ABCC12: variants seen among roughly 807,000 people sequenced by gnomAD.
ABCC12 encodes ATP-binding cassette sub-family C member 12.
A neutral mutation model predicts 151.1 loss-of-function variants in ABCC12; 142 were observed. The observed-to-expected ratio is 0.94, with a 90% CI of 0.82 to 1.08. The LOEUF (loss-of-function observed/expected upper bound fraction) is 1.08, where lower values mean the gene tolerates loss of function less well. ABCC12 is among the 50% of genes least tolerant of loss of function. The pLI, the probability that ABCC12 is intolerant of heterozygous loss-of-function variation, is 0.00. For synonymous variants in ABCC12, 645 were observed against 646.4 expected (o/e 1.00, Z 0.03); for missense variants, 1,638 against 1,691.1 (o/e 0.97, Z 0.55).
At chr16:48,088,153 T>A in intron 26 of ABCC12, 68 bp from the exon 27 acceptor site, 1 of 1,529,256 alleles carries the variant, frequency 6.5e-7, no homozygotes, top group Non-Finnish European at 8.9e-7. Context: ...TCCAAGCATT[T>A]AATCAGTGGG....
rs764221547 is a variant in ABCC12, at chr16:48,115,600, T to G, written c.1804A>C (p.Asn602His). The stretch of plus-strand genomic sequence containing the variant: ...CTCTGCCTCTGCCCCCCAGAGAGGT[T>G]GAGGCCCCGCTCCCCAATCTGTGGA... ...DLTEIGERGL[N>H]LSGGQRQRIS... Residue 602 changes from asparagine (N) to histidine (H), a missense_variant, in exon 15 of 31, where the codon AAC becomes CAC. Transcript: ENST00000311303. The G allele has an allele frequency of 1.2e-6, 2 of 1,613,782 alleles. No individual in the cohort carries two copies. The highest frequency in any genetic ancestry group is 1.7e-6 in the Non-Finnish European group (2 of 1,179,838).
intron 24 of ABCC12, 98 bp from the exon 25 acceptor site, chr16:48,091,307 C>T: frequency 9.3e-7 from 1 of 1,071,492 alleles, no homozygotes; most frequent in African/African-American, 1.5e-5. Context: ...TGATCCCTCC[C>T]CTGCCTAGCG....
chr16:48,139,075 C>A (rs1426247712), intron 7 of ABCC12, 88 bp downstream of exon 7: 1 of 1,413,096 alleles, frequency 7.1e-7, no homozygotes, highest in Non-Finnish European at 9.5e-7. Context: ...AGGCTTCATG[C>A]GCCAGAAATG....
intron 25 of ABCC12, 58 bp downstream of exon 25, chr16:48,091,062 T>G: frequency 6.5e-7 from 1 of 1,533,428 alleles, no homozygotes; most frequent in Admixed American, 1.7e-5. Flanking sequence ...GATCCAGTAT[T>G]TGCCCAAGTC....
At chr16:48,129,239 T>C (rs1298250532) in intron 10 of ABCC12, among the ~76,000 whole-genome samples, 1 of 152,144 alleles carries the variant, frequency 6.6e-6, no homozygotes, top group Non-Finnish European at 1.5e-5. Context: ...GAGATTACAG[T>C]CTGGAGGGAG....
At chr16:48,110,870 G>A (rs929412324) in intron 18 of ABCC12, among the ~76,000 whole-genome samples, 5 of 152,122 alleles carry the variant, frequency 3.3e-5, no homozygotes, top group African/African-American at 4.8e-5. Context: ...CTGAGAACAC[G>A]GGCATCTCTT....
chr16:48,126,849 G>A (rs1359066500), intron 11 of ABCC12, among the ~76,000 whole-genome samples: 1 of 152,178 alleles, frequency 6.6e-6, no homozygotes, highest in East Asian at 1.9e-4. Context: ...GCATCCTTGA[G>A]GCAGGAATTC....
intron 11 of ABCC12, among the ~76,000 whole-genome samples, chr16:48,126,433 A>G (rs760343727): frequency 5.3e-5 from 8 of 152,128 alleles, no homozygotes; most frequent in Non-Finnish European, 1.2e-4. Context: ...CCCTGACCCC[A>G]TGGAGGATCC....
chr16:48,112,051 G>T (rs1963714602), intron 15 of ABCC12, 141 bp from the exon 16 acceptor site: 1 of 1,079,646 alleles, frequency 9.3e-7, no homozygotes, highest in Non-Finnish European at 1.3e-6. Context: ...TGCATTGTAG[G>T]ATATTTACCA....
chr16:48,083,834 G>A lies in ABCC12; in HGVS notation c.3994-33C>T, dbSNP rs183611143. On this transcript the variant is annotated intron_variant, in intron 30 of 30. Transcript: ENST00000311303. ...TCAGAGAAGAAGAACTGAAATCATCGGAAAATATCTACCCACTGTAAAGCT... is the reference window on the plus strand; with the variant it reads ...TCAGAGAAGAAGAACTGAAATCATCAGAAAATATCTACCCACTGTAAAGCT... 3.2e-5 allele frequency: 51 copies of A among 1,613,994 alleles called. No individual in the cohort carries two copies. The East Asian group carries it at 3.3e-4, about 11-fold the overall frequency.
intron 9 of ABCC12, among the ~76,000 whole-genome samples, chr16:48,131,581 C>T (rs559883782): frequency 2.6e-5 from 4 of 152,178 alleles, no homozygotes; most frequent in Non-Finnish European, 5.9e-5. Context: ...TATTCTACAG[C>T]CTCAATGAAA....
intron 23 of ABCC12, among the ~76,000 whole-genome samples, chr16:48,099,962 C>CT (rs113463953): frequency 0.045 from 6,443 of 141,680 alleles, 207 homozygotes; most frequent in African/African-American, 0.088. Flanking sequence ...TATCCTTTTT[C>CT]TTTTTTTTTT....
At chr16:48,137,752 A>C (rs1438302556) in intron 8 of ABCC12, among the ~76,000 whole-genome samples, 2 of 152,182 alleles carry the variant, frequency 1.3e-5, no homozygotes, top group Admixed American at 6.5e-5. Flanking sequence ...TATCAGCTTT[A>C]AAAAAAGTAA....
intron 22 of ABCC12, among the ~76,000 whole-genome samples, chr16:48,103,012 C>A (rs1963360895): frequency 6.6e-6 from 1 of 152,214 alleles, no homozygotes; most frequent in Non-Finnish European, 1.5e-5. Context: ...TTTCAAGGGA[C>A]TCCTGCTCTA....
In ABCC12 at chr16:48,128,545, G is replaced by C; in HGVS notation, c.1429C>G (p.Pro477Ala). The C allele has an allele frequency of 6.2e-7, 1 of 1,614,202 alleles. No individual in the cohort carries two copies. The highest frequency in any genetic ancestry group is 1.1e-5 in the South Asian group (1 of 91,080). ...GGGCCAGTGGCTCCCTTGGCTGGTG[G>C]ACTCCTCTCACTGTATGCCTCTGAC... ...QRSEAYSERSPPAKGATGPEE... is the reference protein window; with the variant it reads ...QRSEAYSERSAPAKGATGPEE... The change falls in exon 11 of 31, where the codon CCA (proline) becomes GCA (alanine). Residue 477 changes from proline to alanine, a missense_variant. Physicochemically the swap from Pro to Ala is conservative, Grantham distance 27. Coordinates refer to ENST00000311303, the MANE Select transcript of ABCC12 (RefSeq NM_001393797.1).
chr16:48,135,329 G>C (rs990145102), intron 8 of ABCC12, among the ~76,000 whole-genome samples: 8 of 152,158 alleles, frequency 5.3e-5, no homozygotes, highest in African/African-American at 1.9e-4. Flanking sequence ...CCACAGTTCG[G>C]TCCAGTAACA....
rs761512954 is a variant in ABCC12, at chr16:48,128,505, T to C, written c.1469A>G (p.Asp490Gly). Reference protein sequence around the residue: ...KGATGPEEQSDSLKSVLHSIS... With the variant: ...KGATGPEEQSGSLKSVLHSIS... ...GCTGTGCAGAACCGATTTGAGGCTG[T>C]CACTTTGCTCCTCTGGGCCAGTGGC... is the stretch of plus-strand genomic sequence containing the variant. Residue 490 changes from aspartate to glycine, a missense_variant, in exon 11 of 31, where the codon GAC becomes GGC. Coordinates refer to ENST00000311303, the MANE Select transcript of ABCC12 (RefSeq NM_001393797.1). 6.2e-7 allele frequency: 1 copy of C among 1,614,250 alleles called. No homozygotes were observed. The highest frequency in any genetic ancestry group is 1.1e-5 in the South Asian group (1 of 91,086).
intron 8 of ABCC12, among the ~76,000 whole-genome samples, chr16:48,135,990 A>G (rs527855745): frequency 1.1e-3 from 160 of 151,988 alleles, no homozygotes; most frequent in Non-Finnish European, 1.9e-3. Context: ...GCTCTGCTCA[A>G]CACTTCACAG....
chr16:48,094,271 TA>T (rs894118686), intron 24 of ABCC12, among the ~76,000 whole-genome samples: 1 of 152,218 alleles, frequency 6.6e-6, no homozygotes, highest in Non-Finnish European at 1.5e-5. Flanking sequence ...GTACAGAGAA[TA>T]CATTTTTGTT....
Sources: allele counts gnomAD v4.1 joint callset (sites outside exome capture counted in the v4.1 genomes callset), GRCh38; gene constraint gnomAD v4.1.1; transcripts MANE v1.5; gene names NCBI Gene and HGNC (gene_info 2026-07-23, HGNC 2026-07-21).